TMEM266: variants seen among roughly 807,000 people sequenced by gnomAD.
TMEM266 encodes transmembrane protein 266, also known as Hv1 related protein 1.
Under a neutral mutation model 50.5 loss-of-function variants are expected in TMEM266, and 33 were observed. That is an observed-to-expected ratio of 0.65 (90% CI 0.50 to 0.87). TMEM266 has a LOEUF of 0.87. TMEM266 is among the 40% of genes least tolerant of loss of function. The probability of loss-of-function intolerance (pLI) is 0.00; values close to 1 mark genes in which losing one functional copy is unlikely to be tolerated. For synonymous variants in TMEM266, 310 were observed against 292.3 expected (o/e 1.06, Z -0.62); for missense variants, 655 against 695.1 (o/e 0.94, Z 0.65).
At chr15:76,101,626 A>G (rs1034873507) in intron 1 of TMEM266, among the ~76,000 whole-genome samples, 2 of 152,224 alleles carry the variant, frequency 1.3e-5, no homozygotes, top group African/African-American at 2.4e-5. Context: ...TTCTTCTAGT[A>G]GGGAAATGCT....
At chr15:76,171,215 G>A in intron 7 of TMEM266, 84 bp downstream of exon 7, 2 of 1,536,090 alleles carry the variant, frequency 1.3e-6, no homozygotes, top group Non-Finnish European at 1.8e-6. Context: ...GTGTGATGGG[G>A]GTACACCCTG....
chr15:76,194,838 C>T (rs150227464), intron 9 of TMEM266, among the ~76,000 whole-genome samples: 13 of 152,218 alleles, frequency 8.5e-5, no homozygotes, highest in East Asian at 5.8e-4. Flanking sequence ...CATCTGCAAC[C>T]GCTTTCTTTC....
At chr15:76,162,397 T>C (rs1017640522) in intron 5 of TMEM266, among the ~76,000 whole-genome samples, 44 of 152,190 alleles carry the variant, frequency 2.9e-4, no homozygotes, top group African/African-American at 1.1e-3. Context: ...GTAAGAACCA[T>C]GTCAGAACCT....
At chr15:76,085,176 G>A (rs1224200551) in intron 1 of TMEM266, among the ~76,000 whole-genome samples, 2 of 151,386 alleles carry the variant, frequency 1.3e-5, no homozygotes, top group African/African-American at 2.4e-5. Flanking sequence ...AGCCAGCACG[G>A]TCTCTATCTC....
rs536140828 is a variant in TMEM266 at position 76,072,338 on chromosome 15, T to G, written c.-97+12322T>G. ...CTGTAATCCCAGCTATTTGGGAGGCTGAGGCAGGAGAATCTCTTGAACCTG... is the reference window on the plus strand; with the variant it reads ...CTGTAATCCCAGCTATTTGGGAGGCGGAGGCAGGAGAATCTCTTGAACCTG... On this transcript the variant is annotated intron_variant, in intron 1 of 10. Transcript: ENST00000388942. Among the ~76,000 whole-genome samples the G allele has an allele frequency of 1.1e-4, 17 of 149,160 alleles. No homozygotes were observed. The South Asian group carries it at 3.4e-3, about 30-fold the overall frequency.
At chr15:76,097,091 C>T (rs2036932821) in intron 1 of TMEM266, among the ~76,000 whole-genome samples, 1 of 151,882 alleles carries the variant, frequency 6.6e-6, no homozygotes, top group East Asian at 1.9e-4. Flanking sequence ...TGTCTTTTAA[C>T]TGGGGCATTT....
intron 8 of TMEM266, among the ~76,000 whole-genome samples, chr15:76,183,274 C>T (rs1188001763): frequency 6.6e-6 from 1 of 151,794 alleles, no homozygotes; most frequent in Non-Finnish European, 1.5e-5. Flanking sequence ...TGTCACCACC[C>T]CTGGCTAATT....
intron 1 of TMEM266, among the ~76,000 whole-genome samples, chr15:76,064,371 A>G (rs1025510513): frequency 6.6e-6 from 1 of 152,202 alleles, no homozygotes; most frequent in Non-Finnish European, 1.5e-5. Context: ...TGGTGTAAGC[A>G]GTCCCAGGAA....
chr15:76,120,633 C>T (rs2037326162), intron 1 of TMEM266, among the ~76,000 whole-genome samples: 1 of 151,616 alleles, frequency 6.6e-6, no homozygotes, highest in Non-Finnish European at 1.5e-5. Flanking sequence ...TGGTAGCATG[C>T]CCCTGTGGTC....
chr15:76,199,387 T>C (rs1005079490), intron 9 of TMEM266, among the ~76,000 whole-genome samples: 5 of 152,216 alleles, frequency 3.3e-5, no homozygotes, highest in Non-Finnish European at 5.9e-5. Context: ...CTTGATAGAC[T>C]GAGCCAGGAC....
intron 1 of TMEM266, among the ~76,000 whole-genome samples, chr15:76,075,078 C>A (rs2036586477): frequency 6.6e-6 from 1 of 152,070 alleles, no homozygotes; most frequent in East Asian, 1.9e-4. Flanking sequence ...TTACATTTTA[C>A]AATCTGTGAG....
At chr15:76,197,607 T>C (rs1178194648) in intron 9 of TMEM266, among the ~76,000 whole-genome samples, 3 of 152,234 alleles carry the variant, frequency 2.0e-5, no homozygotes, top group African/African-American at 7.2e-5. Flanking sequence ...TCTCATCCCT[T>C]GTATACAGTA....
In TMEM266 at chr15:76,192,174, A is replaced by C. The variant is rs1288724755; in HGVS notation, c.958+17A>C. 2.2e-6 allele frequency: 3 copies of C among 1,390,900 alleles called. No individual in the cohort carries two copies. The highest frequency in any genetic ancestry group is 2.8e-6 in the Non-Finnish European group (3 of 1,076,908). The allele number at this position is 1,390,900 out of a possible 1,614,324, so 86.2% of individuals were successfully genotyped here. On this transcript the variant is annotated intron_variant, in intron 9 of 10. Transcript: ENST00000388942. Reference sequence around the variant, plus strand: ...CCTCGCAAGGTAAGCCCGGGTCTCCACCCGGCCCCAGAGTGTCACGGCCGG... The same window carrying C: ...CCTCGCAAGGTAAGCCCGGGTCTCCCCCCGGCCCCAGAGTGTCACGGCCGG...
chr15:76,076,473 C>G (rs2141987695), intron 1 of TMEM266, among the ~76,000 whole-genome samples: 1 of 152,162 alleles, frequency 6.6e-6, no homozygotes, highest in Middle Eastern at 3.4e-3. Flanking sequence ...TTCACACGGT[C>G]CCTTTACATT....
chr15:76,105,486 CT>C (rs2037066804), intron 1 of TMEM266, among the ~76,000 whole-genome samples: 2 of 152,184 alleles, frequency 1.3e-5, no homozygotes, highest in Admixed American at 6.5e-5. Context: ...CAGAAAAATT[CT>C]TCTGTAAATG....
intron 1 of TMEM266, among the ~76,000 whole-genome samples, chr15:76,095,734 C>A (rs1475461755): frequency 6.6e-6 from 1 of 151,948 alleles, no homozygotes; most frequent in Non-Finnish European, 1.5e-5. Flanking sequence ...GCTGTGAATC[C>A]ATCTGGTCCT....
At chr15:76,179,284 C>T (rs752575187) in intron 8 of TMEM266, among the ~76,000 whole-genome samples, 4 of 152,152 alleles carry the variant, frequency 2.6e-5, no homozygotes, top group Non-Finnish European at 5.9e-5. Context: ...ATAGAATCCT[C>T]GAAGGATGGT....
intron 3 of TMEM266, among the ~76,000 whole-genome samples, chr15:76,142,672 T>G (rs2037698257): frequency 6.6e-6 from 1 of 152,194 alleles, no homozygotes; most frequent in African/African-American, 2.4e-5. Context: ...AGGAAAGTCC[T>G]GCGGGGTGAG....
At chr15:76,093,463 T>C (rs1396436853) in intron 1 of TMEM266, among the ~76,000 whole-genome samples, 2 of 152,090 alleles carry the variant, frequency 1.3e-5, no homozygotes, top group Non-Finnish European at 2.9e-5. Context: ...GCAAAGGACA[T>C]GAACTCATTC....
Sources: gnomAD v4.1 joint callset for allele counts (sites outside exome capture counted in the v4.1 genomes callset) on GRCh38, gnomAD v4.1.1 for gene constraint, MANE v1.5 for transcripts, NCBI Gene and HGNC (gene_info 2026-07-23, HGNC 2026-07-21) for gene names.